DOCK4: variants seen among roughly 807,000 people sequenced by gnomAD.
DOCK4 encodes the protein dedicator of cytokinesis 4.
DOCK4 carries 97 observed loss-of-function variants against 268.1 expected under a neutral mutation model. That is an observed-to-expected ratio of 0.36 (90% CI 0.31 to 0.43). The LOEUF (loss-of-function observed/expected upper bound fraction) is 0.43, where lower values mean the gene tolerates loss of function less well. Among genes scored for constraint, DOCK4 ranks in the 20% least tolerant of loss-of-function variants. The pLI, the probability that DOCK4 is intolerant of heterozygous loss-of-function variation, is 1.00. For missense variants in DOCK4, 2,145 were observed against 2,455.7 expected (o/e 0.87, Z 2.67); for synonymous variants, 954 against 887.2 (o/e 1.08, Z -1.34).
intron 1 of DOCK4, among the ~76,000 whole-genome samples, chr7:112,014,379 A>C (rs1801627443): frequency 6.6e-6 from 1 of 152,240 alleles, no homozygotes; most frequent in African/African-American, 2.4e-5. Flanking sequence ...GGAAGGGACT[A>C]GTATTCCAAC....
intron 12 of DOCK4, among the ~76,000 whole-genome samples, chr7:111,933,408 C>A (rs918472848): frequency 2.7e-5 from 4 of 150,404 alleles, no homozygotes; most frequent in Non-Finnish European, 4.4e-5. Context: ...GATTCTCCTG[C>A]CTCAGACTCC....
chr7:112,043,775 A>C (rs1804605702), intron 1 of DOCK4, among the ~76,000 whole-genome samples: 1 of 152,062 alleles, frequency 6.6e-6, no homozygotes, highest in African/African-American at 2.4e-5. Context: ...AGATAAGCTA[A>C]TTCTGGGTCC....
At chr7:112,111,123 A>G (rs910957605) in intron 1 of DOCK4, among the ~76,000 whole-genome samples, 1 of 152,182 alleles carries the variant, frequency 6.6e-6, no homozygotes, top group African/African-American at 2.4e-5. Flanking sequence ...GTGGTCTTTT[A>G]GTTCATCACA....
intron 1 of DOCK4, among the ~76,000 whole-genome samples, chr7:112,104,710 G>C (rs970492850): frequency 1.3e-5 from 2 of 152,106 alleles, no homozygotes; most frequent in South Asian, 4.1e-4. Flanking sequence ...AAGAAATATA[G>C]AAAGAATATA....
intron 1 of DOCK4, among the ~76,000 whole-genome samples, chr7:112,110,457 G>A (rs1173686650): frequency 1.3e-5 from 2 of 152,108 alleles, no homozygotes; most frequent in Non-Finnish European, 2.9e-5. Flanking sequence ...AAACCAAATG[G>A]GATAGAATAC....
chr7:111,844,744 A>G lies in DOCK4; in HGVS notation c.2736+19T>C, dbSNP rs777917627. 11 of 1,606,338 alleles carry G rather than the reference A, an allele frequency of 6.8e-6. No homozygotes were observed. The highest frequency in any genetic ancestry group is 6.8e-6 in the Non-Finnish European group (8 of 1,176,432). ...ATAACCAGGCCCTGTTCCACGTGCC[A>G]TCTGCTCTATGATCTTACAGTGACA... On this transcript the variant is annotated intron_variant, in intron 25 of 52. Coordinates refer to ENST00000428084, the MANE Select transcript of DOCK4 (RefSeq NM_001363540.2).
At chr7:111,872,804 T>A (rs1197666461) in intron 17 of DOCK4, among the ~76,000 whole-genome samples, 2 of 152,212 alleles carry the variant, frequency 1.3e-5, no homozygotes, top group Non-Finnish European at 2.9e-5. Context: ...AGTCCTCAGA[T>A]CGGATGTTGC....
At chr7:111,933,082 ATATATACGTATATACACATATATATACG>A (rs1794335397) in intron 12 of DOCK4, among the ~76,000 whole-genome samples, 1 of 143,852 alleles carries the variant, frequency 7.0e-6, no homozygotes, top group Non-Finnish European at 1.5e-5. Flanking sequence ...ATATACACAT[ATATATACGTATATACACATATATATACG>A]TATATACACA....
At chr7:111,901,267 G>A (rs891533675) in intron 14 of DOCK4, among the ~76,000 whole-genome samples, 5 of 149,912 alleles carry the variant, frequency 3.3e-5, no homozygotes, top group African/African-American at 9.9e-5. Context: ...CTGGAAGAGG[G>A]AGGTTGCAAT....
At chr7:111,841,152 GATTT>G (rs10561221) in intron 25 of DOCK4, among the ~76,000 whole-genome samples, 51,240 of 150,308 alleles carry the variant, frequency 0.34, 12,676 homozygotes, top group African/African-American at 0.71. Flanking sequence ...TATTTTCTCT[GATTT>G]ATTTATTTAT....
intron 16 of DOCK4, among the ~76,000 whole-genome samples, chr7:111,881,970 T>C (rs1807430454): frequency 1.3e-5 from 2 of 152,144 alleles, no homozygotes; most frequent in South Asian, 4.1e-4. Context: ...GGATGGTTAA[T>C]GGGTACAAAG....
At chr7:111,976,982 G>T in intron 8 of DOCK4, 150 bp downstream of exon 8, 1 of 837,362 alleles carries the variant, frequency 1.2e-6, no homozygotes, top group Non-Finnish European at 1.8e-6. Context: ...CCAAAGAACA[G>T]GCAGCTTAGA....
At chr7:112,109,898 T>A (rs4730511) in intron 1 of DOCK4, among the ~76,000 whole-genome samples, 3 of 149,064 alleles carry the variant, frequency 2.0e-5, no homozygotes, top group Admixed American at 1.3e-4. Flanking sequence ...GCGCCCGCCA[T>A]CACGCCCGGC....
intron 1 of DOCK4, among the ~76,000 whole-genome samples, chr7:112,130,482 G>A (rs2116089259): frequency 6.6e-6 from 1 of 152,276 alleles, no homozygotes; most frequent in Middle Eastern, 3.4e-3. Flanking sequence ...CTCCCAATAA[G>A]TATAATAATG....
intron 25 of DOCK4, among the ~76,000 whole-genome samples, chr7:111,836,310 T>G (rs1803239734): frequency 2.0e-5 from 3 of 151,922 alleles, no homozygotes; most frequent in African/African-American, 7.3e-5. Flanking sequence ...AAACTACTCC[T>G]AGAGTAATGC....
chr7:112,083,668 G>A lies in DOCK4; in HGVS notation c.38-79537C>T, dbSNP rs908279090. 3.3e-5 allele frequency among the ~76,000 whole-genome samples: 5 copies of A among 152,198 alleles called. No individual in the cohort carries two copies. The East Asian group carries it at 5.8e-4, about 18-fold the overall frequency. The stretch of plus-strand genomic sequence containing the variant: ...CTTCATGTAGAATTTATCTTTACCT[G>A]AACACAATTTTTAAAAGACATGGTT... On this transcript the variant is annotated intron_variant, in intron 1 of 52. Transcript: ENST00000428084.
At chr7:111,973,028 T>A (rs1797849320) in intron 8 of DOCK4, among the ~76,000 whole-genome samples, 1 of 151,542 alleles carries the variant, frequency 6.6e-6, no homozygotes, top group African/African-American at 2.4e-5. Flanking sequence ...AACTTATGAG[T>A]GAGAACATAC....
intron 36 of DOCK4, among the ~76,000 whole-genome samples, chr7:111,772,548 C>A (rs1798188113): frequency 6.6e-6 from 1 of 152,164 alleles, no homozygotes; most frequent in Admixed American, 6.5e-5. Context: ...GTAATCCCAG[C>A]ACTTTGGGAG....
intron 1 of DOCK4, among the ~76,000 whole-genome samples, chr7:112,180,160 A>G (rs979034962): frequency 2.0e-5 from 3 of 152,148 alleles, no homozygotes; most frequent in Non-Finnish European, 2.9e-5. Context: ...AGACCATAAA[A>G]GAGAAATGGC....
Sources: allele counts gnomAD v4.1 joint callset (sites outside exome capture counted in the v4.1 genomes callset), GRCh38; gene constraint gnomAD v4.1.1; transcripts MANE v1.5; gene names NCBI Gene and HGNC (gene_info 2026-07-23, HGNC 2026-07-21).